The following KLRF1 variants were observed in gnomAD, a reference collection of about 807,000 sequenced individuals.
The protein encoded by KLRF1 is killer cell lectin like receptor F1.
KLRF1 carries 27 observed loss-of-function variants against 30.7 expected under a neutral mutation model. That is an observed-to-expected ratio of 0.88 (90% CI 0.65 to 1.21). KLRF1 has a LOEUF of 1.21. Among genes scored for constraint, KLRF1 ranks in the 50% most tolerant of loss-of-function variants. The probability of loss-of-function intolerance (pLI) is 0.00; values close to 1 mark genes in which losing one functional copy is unlikely to be tolerated. For synonymous variants in KLRF1, 92 were observed against 89.3 expected (o/e 1.03, Z -0.17); for missense variants, 246 against 259.3 (o/e 0.95, Z 0.35).
the KLRF1 span, among the ~76,000 whole-genome samples, chr12:9,813,371 A>G: frequency 6.6e-6 from 1 of 152,024 alleles, no homozygotes; most frequent in African/African-American, 2.4e-5. Context: ...CGGTGGTATG[A>G]TCAGGGCTCA....
intron 3 of KLRF1, among the ~76,000 whole-genome samples, chr12:9,837,844 T>C (rs1463650093): frequency 1.3e-5 from 2 of 152,146 alleles, no homozygotes; most frequent in Non-Finnish European, 2.9e-5. Flanking sequence ...CAGTTACATG[T>C]TGTCTGCTAA....
chr12:9,809,803 C>G, the KLRF1 span, among the ~76,000 whole-genome samples: 6 of 151,352 alleles, frequency 4.0e-5, no homozygotes, highest in Admixed American at 3.3e-4. Flanking sequence ...AGTTGTTATT[C>G]TATTGATAAA....
At chr12:9,807,931 TA>T in the KLRF1 span, among the ~76,000 whole-genome samples, 6 of 152,112 alleles carry the variant, frequency 3.9e-5, no homozygotes, top group African/African-American at 1.4e-4. Context: ...TATTAACTAA[TA>T]AAAACAACCA....
the KLRF1 span, among the ~76,000 whole-genome samples, chr12:9,820,826 CCTAGTG>C: frequency 2.6e-5 from 4 of 152,144 alleles, no homozygotes; most frequent in Admixed American, 2.6e-4. Context: ...GAACAAAGGG[CCTAGTG>C]ACCACACTGG....
At chr12:9,821,563 C>A in the KLRF1 span, among the ~76,000 whole-genome samples, 1 of 152,140 alleles carries the variant, frequency 6.6e-6, no homozygotes, top group Non-Finnish European at 1.5e-5. Context: ...AATTGCTGAC[C>A]CACACCTCTC....
chr12:9,830,577 TTC>T (rs1458234321), intron 1 of KLRF1, among the ~76,000 whole-genome samples: 3 of 152,180 alleles, frequency 2.0e-5, no homozygotes, highest in South Asian at 4.1e-4. Context: ...ATCTATTAAT[TTC>T]TGTTTTTTAA....
chr12:9,827,447 C>G (rs1462341841), upstream of KLRF1: 5 of 610,110 alleles, frequency 8.2e-6, no homozygotes, highest in African/African-American at 9.5e-5. Flanking sequence ...TGAGGAGCAT[C>G]TCTGATTAGC....
Position 9,827,600 on chromosome 12 carries a change from C to G in KLRF1, c.56C>G (p.Ser19Cys). 4.4e-6 allele frequency: 7 copies of G among 1,606,888 alleles called. No homozygotes were observed. Among genetic ancestry groups the G allele is most frequent in the Non-Finnish European group, 6.0e-6 (7 of 1,175,140 alleles). Residue 19 changes from serine to cysteine, a missense_variant, in exon 1 of 6, where the codon TCT becomes TGT. By Grantham distance (112) the Ser-to-Cys change is moderately radical. Transcript: ENST00000617889. ...AATGTACAGTCAAAGAAAAGGAGTT[C>G]TGCCCAAACATCTCAACTTACATTT... ...TLNVQSKKRS[S>C]AQTSQLTFKD...
chr12:9,837,863 A>G (rs1358226457), intron 3 of KLRF1, among the ~76,000 whole-genome samples: 2 of 152,170 alleles, frequency 1.3e-5, no homozygotes, highest in African/African-American at 4.8e-5. Context: ...AATTCTACAA[A>G]TAACACCTCA....
At chr12:9,811,682 CTTTAT>C in the KLRF1 span, among the ~76,000 whole-genome samples, 1 of 152,162 alleles carries the variant, frequency 6.6e-6, no homozygotes, top group Non-Finnish European at 1.5e-5. Flanking sequence ...AAGGAGAAGA[CTTTAT>C]TTTCAGAGGG....
At chr12:9,834,859 C>T (rs1867535576) in intron 3 of KLRF1, among the ~76,000 whole-genome samples, 1 of 151,874 alleles carries the variant, frequency 6.6e-6, no homozygotes, top group African/African-American at 2.4e-5. Context: ...TATACAGAGT[C>T]CTCCTTTTTC....
At chr12:9,839,672 A>C (rs1388525808) in intron 3 of KLRF1, among the ~76,000 whole-genome samples, 1 of 152,102 alleles carries the variant, frequency 6.6e-6, no homozygotes, top group Non-Finnish European at 1.5e-5. Context: ...CCAGGGTGGA[A>C]AGCCACTGCA....
chr12:9,844,507 A>C lies in KLRF1; in HGVS notation c.677A>C (p.Lys226Thr). 6.3e-7 allele frequency: 1 copy of C among 1,599,622 alleles called. No homozygotes were observed. The change falls in exon 6 of 6, where the codon AAA becomes ACA. Residue 226 changes from lysine (K) to threonine (T), a missense_variant. By Grantham distance (78) the Lys-to-Thr change is moderately conservative. Transcript: ENST00000617889. ...IFSETCSSVFKWICQY is the reference protein window; with the variant it reads ...IFSETCSSVFTWICQY Reference sequence around the variant, plus strand: ...TCTGAAACCTGCAGCAGTGTTTTCAAATGGATTTGTCAGTATTAGAGTTTG... The same window carrying C: ...TCTGAAACCTGCAGCAGTGTTTTCACATGGATTTGTCAGTATTAGAGTTTG...
At chr12:9,801,346 C>T in the KLRF1 span, among the ~76,000 whole-genome samples, 1 of 151,970 alleles carries the variant, frequency 6.6e-6, no homozygotes, top group African/African-American at 2.4e-5. Context: ...GATTTATGCT[C>T]CTTTGGGTAT....
chr12:9,810,016 C>T, the KLRF1 span, among the ~76,000 whole-genome samples: 1 of 152,018 alleles, frequency 6.6e-6, no homozygotes, highest in East Asian at 1.9e-4. Flanking sequence ...CTTCTCAGTC[C>T]TAAATTTCAT....
chr12:9,824,419 C>T (rs796695097), upstream of KLRF1, among the ~76,000 whole-genome samples: 33 of 152,202 alleles, frequency 2.2e-4, no homozygotes, highest in African/African-American at 6.5e-4. Context: ...AAAACCAACA[C>T]GCTTTCATGT....
At chr12:9,829,014 G>C (rs758015930) in intron 1 of KLRF1, among the ~76,000 whole-genome samples, 1 of 152,080 alleles carries the variant, frequency 6.6e-6, no homozygotes, top group Non-Finnish European at 1.5e-5. Flanking sequence ...GAGGTAAGAC[G>C]TATTTTATGT....
At chr12:9,818,348 C>T in the KLRF1 span, among the ~76,000 whole-genome samples, 1 of 152,198 alleles carries the variant, frequency 6.6e-6, no homozygotes. Context: ...GTGTGGCCAG[C>T]GGCAGCTCAC....
At chr12:9,821,529 C>T in the KLRF1 span, among the ~76,000 whole-genome samples, 1 of 152,184 alleles carries the variant, frequency 6.6e-6, no homozygotes, top group African/African-American at 2.4e-5. Flanking sequence ...CAGATACCCC[C>T]ATCCTGGGCA....
Sources: allele counts gnomAD v4.1 joint callset (sites outside exome capture counted in the v4.1 genomes callset), GRCh38; gene constraint gnomAD v4.1.1; transcripts MANE v1.5; gene names NCBI Gene and HGNC (gene_info 2026-07-23, HGNC 2026-07-21).